Variants in SPG7 observed in about 807,000 individuals in gnomAD.
The protein encoded by SPG7 is mitochondrial inner membrane m-AAA protease component paraplegin.
In SPG7, 103 loss-of-function variants were observed where a neutral mutation model predicts 81.9. The observed-to-expected ratio is 1.26, with a 90% CI of 1.07 to 1.48. The LOEUF (loss-of-function observed/expected upper bound fraction) is 1.48, where lower values mean the gene tolerates loss of function less well. Among genes scored for constraint, SPG7 ranks in the 40% most tolerant of loss-of-function variants. The pLI is 0.00. For missense variants in SPG7, 1,241 were observed against 1,087.3 expected (o/e 1.14, Z -1.99); for synonymous variants, 534 against 444.2 (o/e 1.20, Z -2.54).
At chr16:89,537,488 G>T in intron 9 of SPG7, 13 of 1,001,470 alleles carry the variant, frequency 1.3e-5, no homozygotes, top group Non-Finnish European at 1.5e-5. Flanking sequence ...GGCCCCTGAC[G>T]TGCAGCCACA....
chr16:89,526,785 G>A, intron 5 of SPG7: 1 of 369,438 alleles, frequency 2.7e-6, no homozygotes, highest in Non-Finnish European at 5.2e-6. Flanking sequence ...CCCGACGTAA[G>A]ATGCCGAAGT....
chr16:89,547,987 CTGTT>C lies in SPG7; in HGVS notation c.1553-12_1553-9del, dbSNP rs762090067. 6.2e-7 allele frequency: 1 copy of C among 1,602,946 alleles called. No individual in the cohort carries two copies. The highest frequency in any genetic ancestry group is 1.1e-5 in the South Asian group (1 of 90,910). ...AGAAACCCACCCACCCACACCGTGGCTGTTTGTGTTGACAGGGGCTGACATCGCC... is the reference window on the plus strand; with the variant it reads ...AGAAACCCACCCACCCACACCGTGGCTGTGTTGACAGGGGCTGACATCGCC... On this transcript the variant is annotated splice_polypyrimidine_tract_variant and intron_variant, in intron 11 of 16. Coordinates refer to ENST00000645818, the MANE Select transcript of SPG7 (RefSeq NM_003119.4).
chr16:89,553,630 G>C, intron 14 of SPG7, 164 bp from the exon 15 acceptor site: 1 of 653,620 alleles, frequency 1.5e-6, no homozygotes, highest in Non-Finnish European at 2.7e-6. Context: ...TTAAGGAACA[G>C]TGGTGAGGTG....
rs764063677 is a variant in SPG7 at position 89,529,496 on chromosome 16, A to T, written c.778A>T (p.Met260Leu). 14 of 1,613,432 alleles carry T rather than the reference A, an allele frequency of 8.7e-6. No individual in the cohort carries two copies. The South Asian group carries it at 1.3e-4, about 15-fold the overall frequency. ...FFGNALYSVG[M>L]TAVGLAILWY... ...CGGCAGTGCCCTGTACTCTGTGGGG[A>T]TGACGGCAGTGGGCCTGGCCATCCT... Residue 260 changes from methionine (M) to leucine (L), a missense_variant, in exon 6 of 17, where the codon ATG becomes TTG. Physicochemically the swap from Met to Leu is conservative, Grantham distance 15. Coordinates refer to ENST00000645818, the MANE Select transcript of SPG7 (RefSeq NM_003119.4).
chr16:89,544,517 C>G, intron 9 of SPG7, 131 bp from the exon 10 acceptor site: 1 of 1,040,278 alleles, frequency 9.6e-7, no homozygotes. Context: ...TCAGAAGGAC[C>G]GGGCTGTTCC....
chr16:89,545,267 T>C (rs888933877), intron 10 of SPG7: 6 of 262,110 alleles, frequency 2.3e-5, no homozygotes, highest in Admixed American at 5.0e-5. Flanking sequence ...ATCCCTCCTC[T>C]GTCACAGGGC....
chr16:89,531,494 C>A (rs1306987574), intron 7 of SPG7: 2 of 239,672 alleles, frequency 8.3e-6, no homozygotes, highest in Admixed American at 5.1e-5. Flanking sequence ...CTGCCTCAGC[C>A]TCCCGAGTAG....
intron 5 of SPG7, chr16:89,526,920 C>T (rs2058270747): frequency 5.9e-6 from 1 of 168,396 alleles, no homozygotes; most frequent in Non-Finnish European, 1.2e-5. Context: ...CAGCCCCCGA[C>T]GTAGGATGGC....
At chr16:89,530,595 C>T (rs895076664) in intron 6 of SPG7, 88 bp from the exon 7 acceptor site, 17 of 1,499,996 alleles carry the variant, frequency 1.1e-5, no homozygotes, top group Middle Eastern at 1.9e-4. Flanking sequence ...GGGGTTGGGG[C>T]GGCTCAGGTG....
chr16:89,514,683 AGAGACT>A lies in SPG7; in HGVS notation c.376+1648_376+1653del, dbSNP rs2058070986. The A allele has an allele frequency of 2.0e-5, 3 of 151,126 alleles. No individual in the cohort carries two copies. In the South Asian group the frequency reaches 6.3e-4, roughly 32 times the overall value. The allele number at this position is 151,126 out of a possible 1,614,324, so 9.4% of individuals were successfully genotyped here. On this transcript the variant is annotated intron_variant, in intron 3 of 16. Coordinates refer to ENST00000645818, the MANE Select transcript of SPG7 (RefSeq NM_003119.4). ...ACCCGGCTAATTTTTTTGTTTTATT[AGAGACT>A]GGGTTTCACCATGTTAGCCAGGATG...
At chr16:89,547,924 C>T (rs1329592396) in intron 11 of SPG7, 79 bp from the exon 12 acceptor site, 1 of 1,077,896 alleles carries the variant, frequency 9.3e-7, no homozygotes, top group Admixed American at 1.7e-5. Context: ...TCTTTGTTCT[C>T]CCTTGAGGGC....
chr16:89,508,660 C>A, intron 1 of SPG7, 60 bp downstream of exon 1: 1 of 1,414,378 alleles, frequency 7.1e-7, no homozygotes, highest in Non-Finnish European at 9.2e-7. Flanking sequence ...TAAGGCCCAG[C>A]CCGGCGGGGC....
chr16:89,548,950 G>GA (rs531877223), intron 12 of SPG7: 8 of 454,548 alleles, frequency 1.8e-5, no homozygotes, highest in South Asian at 1.2e-4. Context: ...CAATTCGAGT[G>GA]AATTCCTAGC....
At chr16:89,508,854 T>C in intron 1 of SPG7, 4 of 667,998 alleles carry the variant, frequency 6.0e-6, no homozygotes, top group South Asian at 1.5e-5. Context: ...AACCCGTCTG[T>C]TGTGTGTGGA....
At position 89,553,377 on chromosome 16, in the gene SPG7, G is replaced by A. The variant is rs1232298872; in HGVS notation, c.1936+242G>A. The A allele has an allele frequency of 5.3e-6, 3 of 567,496 alleles. No individual in the cohort carries two copies. In the East Asian group the frequency reaches 9.1e-5, roughly 17 times the overall value. 35.2% of individuals were successfully genotyped at this position (567,496 alleles called of 1,614,324 possible). A position where few individuals can be genotyped will look rare whatever the true frequency, so the allele number is the denominator to read the frequency against. ...TCTAGACACATTTAATTGGTTAATT[G>A]TTGGTAATGGCTACAGGAAACGGAA... On this transcript the variant is annotated intron_variant, in intron 14 of 16. Coordinates refer to ENST00000645818, the MANE Select transcript of SPG7 (RefSeq NM_003119.4).
chr16:89,509,747 T>C (rs540297321), intron 1 of SPG7, among the ~76,000 whole-genome samples: 5 of 151,400 alleles, frequency 3.3e-5, no homozygotes, highest in African/African-American at 1.2e-4. Context: ...CTTCAGGCCA[T>C]GGGATAGCAG....
At chr16:89,530,451 T>A in intron 6 of SPG7, 1 of 587,918 alleles carries the variant, frequency 1.7e-6, no homozygotes, top group South Asian at 1.9e-5. Context: ...GCTGAGTAAT[T>A]TTTTTTAAAG....
chr16:89,522,785 C>T (rs1269427516), intron 3 of SPG7: 2 of 152,570 alleles, frequency 1.3e-5, no homozygotes, highest in Non-Finnish European at 2.9e-5. Context: ...CTACTCCCCA[C>T]CTGGGCCCTG....
At position 89,508,565 on chromosome 16, in the gene SPG7, G is replaced by A. The variant is rs2057962972; in HGVS notation, c.148G>A (p.Gly50Arg). ...GCCGTACATGGCCAGCAGGCCTCCG[G>A]GGGACCTCGCCGAGGCTGGAGGCCG... ...GRPYMASRPP[G>R]DLAEAGGRAL... Residue 50 changes from glycine to arginine, a missense_variant, in exon 1 of 17, where the codon GGG becomes AGG. Transcript: ENST00000645818. 2 of 1,495,266 alleles carry A rather than the reference G, an allele frequency of 1.3e-6. No homozygotes were observed. Among genetic ancestry groups the A allele is most frequent in the Non-Finnish European group, 8.9e-7 (1 of 1,128,182 alleles). 92.6% of individuals were successfully genotyped at this position (1,495,266 alleles called of 1,614,324 possible).
Sources: allele counts gnomAD v4.1 joint callset (sites outside exome capture counted in the v4.1 genomes callset), GRCh38; gene constraint gnomAD v4.1.1; transcripts MANE v1.5; gene names NCBI Gene and HGNC (gene_info 2026-07-23, HGNC 2026-07-21).